PLEKHG1: variants seen among roughly 807,000 people sequenced by gnomAD.
The protein encoded by PLEKHG1 is pleckstrin homology domain-containing family G member 1.
Under a neutral mutation model 100.8 loss-of-function variants are expected in PLEKHG1, and 44 were observed. The observed-to-expected ratio is 0.44, with a 90% confidence interval of 0.34 to 0.56. The LOEUF is 0.56. PLEKHG1 is among the 20% of genes least tolerant of loss of function. The pLI is 0.01. For missense variants in PLEKHG1, 1,545 were observed against 1,720.9 expected (o/e 0.90, Z 1.81); for synonymous variants, 640 against 662.5 (o/e 0.97, Z 0.52).
intron 2 of PLEKHG1, among the ~76,000 whole-genome samples, chr6:150,641,837 A>G (rs1186416117): frequency 6.9e-6 from 1 of 145,426 alleles, no homozygotes; most frequent in African/African-American, 2.5e-5. Context: ...TAAAAAACCA[A>G]TATGTCAAAG....
At chr6:150,730,891 A>G (rs983078070) in intron 1 of PLEKHG1, among the ~76,000 whole-genome samples, 1 of 148,562 alleles carries the variant, frequency 6.7e-6, no homozygotes, top group African/African-American at 2.6e-5. Context: ...GACAAGAGCA[A>G]ACTCTGTCTC....
At chr6:150,798,771 C>T (rs770252737) in intron 5 of PLEKHG1, among the ~76,000 whole-genome samples, 3 of 152,274 alleles carry the variant, frequency 2.0e-5, no homozygotes, top group South Asian at 2.1e-4. Context: ...GTTAGAGTCT[C>T]GCTCTGTTGC....
rs145696326 is a variant in PLEKHG1, at chr6:150,629,694, C to T, written c.-203-8386C>T. Among the ~76,000 whole-genome samples, 397 of 152,284 alleles carry T rather than the reference C, an allele frequency of 2.6e-3. 1 individual carries two copies. The highest frequency in any genetic ancestry group is 9.2e-3 in the African/African-American group (383 of 41,560). ...CAGGATGGTCTCGATCTCCTGACCTCATGATCCGCCTGCCTCGGTCTCCCA... is the reference window on the plus strand; with the variant it reads ...CAGGATGGTCTCGATCTCCTGACCTTATGATCCGCCTGCCTCGGTCTCCCA... On this transcript the variant is annotated intron_variant, in intron 1 of 3. Coordinates refer to the PLEKHG1 transcript ENST00000367326.
intron 1 of PLEKHG1, chr6:150,632,982 C>T (rs1313008987): frequency 6.6e-6 from 1 of 152,186 alleles, no homozygotes; most frequent in Non-Finnish European, 1.5e-5. Flanking sequence ...GCTTTTAAAA[C>T]TGTTCTGTGA....
At chr6:150,649,409 T>C (rs1778625710) in intron 2 of PLEKHG1, among the ~76,000 whole-genome samples, 1 of 152,250 alleles carries the variant, frequency 6.6e-6, no homozygotes, top group South Asian at 2.1e-4. Context: ...ACCAGTGCTA[T>C]TGTGTATCTA....
chr6:150,764,321 G>T (rs1008548556), intron 2 of PLEKHG1, among the ~76,000 whole-genome samples: 1 of 152,028 alleles, frequency 6.6e-6, no homozygotes, highest in Non-Finnish European at 1.5e-5. Flanking sequence ...GTTTCACCAC[G>T]TTGCCCAGGC....
intron 3 of PLEKHG1, among the ~76,000 whole-genome samples, chr6:150,771,281 G>C (rs1784701877): frequency 6.6e-6 from 1 of 151,986 alleles, no homozygotes; most frequent in Non-Finnish European, 1.5e-5. Context: ...GCTGGGTGTT[G>C]TGGCACATGC....
chr6:150,739,198 A>G (rs1281657766), intron 2 of PLEKHG1, among the ~76,000 whole-genome samples: 1 of 152,214 alleles, frequency 6.6e-6, no homozygotes, highest in African/African-American at 2.4e-5. Flanking sequence ...ACAGAATGGC[A>G]TCGTTGAGCT....
At chr6:150,761,652 T>A (rs937201748) in intron 2 of PLEKHG1, among the ~76,000 whole-genome samples, 3 of 152,206 alleles carry the variant, frequency 2.0e-5, no homozygotes, top group East Asian at 1.9e-4. Context: ...GGCGTCCTGT[T>A]GCTTTAAGAA....
At chr6:150,798,476 G>A (rs1339753778) in intron 5 of PLEKHG1, among the ~76,000 whole-genome samples, 1 of 152,186 alleles carries the variant, frequency 6.6e-6, no homozygotes, top group African/African-American at 2.4e-5. Flanking sequence ...GGCTGCTTCA[G>A]AGCCAGGGGA....
intron 4 of PLEKHG1, among the ~76,000 whole-genome samples, chr6:150,789,918 C>T (rs1258303360): frequency 2.0e-5 from 3 of 152,124 alleles, no homozygotes; most frequent in Non-Finnish European, 4.4e-5. Context: ...CTATAGCAGT[C>T]GAGGTGTTTG....
chr6:150,712,863 C>T (rs1335077234), intron 3 of PLEKHG1, among the ~76,000 whole-genome samples: 1 of 152,228 alleles, frequency 6.6e-6, no homozygotes, highest in African/African-American at 2.4e-5. Flanking sequence ...TTACTGTCAA[C>T]ATAAAGTTGC....
At chr6:150,647,774 C>T (rs981739918) in intron 2 of PLEKHG1, among the ~76,000 whole-genome samples, 2 of 152,026 alleles carry the variant, frequency 1.3e-5, no homozygotes, top group African/African-American at 4.8e-5. Context: ...GTACTTAAGG[C>T]CAGACAATCA....
At chr6:150,711,801 G>A (rs1350098029) in intron 3 of PLEKHG1, among the ~76,000 whole-genome samples, 1 of 152,138 alleles carries the variant, frequency 6.6e-6, no homozygotes, top group East Asian at 1.9e-4. Context: ...TATATCAGCA[G>A]ATATCAAATT....
chr6:150,831,524 G>A lies in PLEKHG1; in HGVS notation c.2413G>A (p.Asp805Asn), dbSNP rs763432870. 1.4e-5 allele frequency: 22 copies of A among 1,613,962 alleles called. No individual in the cohort carries two copies. Among genetic ancestry groups the A allele is most frequent in the Non-Finnish European group, 1.7e-5 (20 of 1,179,988 alleles). ...AGCCCCTTACCATCAGGCCACTCCC[G>A]ATCATGGTTATCTGAGTTTGCTGTA... Residue 805 changes from aspartate to asparagine, a missense_variant, in exon 15 of 16, where the codon GAT (aspartate) becomes AAT (asparagine). By Grantham distance (23) the Asp-to-Asn change is conservative. Coordinates refer to ENST00000358517, the Ensembl canonical transcript of PLEKHG1. The surrounding 1 kb of genome is among the most constrained non-coding windows in gnomAD (Gnocchi z 4.1).
chr6:150,613,957 G>C (rs998175479), intron 1 of PLEKHG1, among the ~76,000 whole-genome samples: 15 of 152,178 alleles, frequency 9.9e-5, no homozygotes, highest in Admixed American at 7.9e-4. Flanking sequence ...AAGTTAGTCA[G>C]ATTTCCCTGT....
At chr6:150,795,791 G>T in intron 4 of PLEKHG1, 65 bp from the exon 6 acceptor site, 1 of 904,492 alleles carries the variant, frequency 1.1e-6, no homozygotes. Context: ...TCTTTTTATT[G>T]TTTTCAAATG....
At position 150,663,143 on chromosome 6, in the gene PLEKHG1, A is replaced by C. The variant is rs371134345; in HGVS notation, c.-99+12357A>C. On this transcript the variant is annotated intron_variant, in intron 3 of 3. Transcript: ENST00000367326. Reference sequence around the variant, plus strand: ...GATAGCCAAGAAAGCTTTTTCTTCTAATTATTTCCAGTTATTGTAGGTTCA... The same window carrying C: ...GATAGCCAAGAAAGCTTTTTCTTCTCATTATTTCCAGTTATTGTAGGTTCA... The C allele has an allele frequency of 2.6e-5, 4 of 152,288 alleles. No homozygotes were observed. The South Asian group carries it at 8.3e-4, about 32-fold the overall frequency. 9.4% of individuals were successfully genotyped at this position (152,288 alleles called of 1,614,324 possible). A position where few individuals can be genotyped will look rare whatever the true frequency, so the allele number is the denominator to read the frequency against.
rs374712444 is a variant in PLEKHG1 at position 150,814,590 on chromosome 6, G to C, written c.1279-3593G>C. ...GAAAAAATAAAAACAGAGGCTGAGA[G>C]ACATTAAATAAACTGCCCAAGTTTA... On this transcript the variant is annotated intron_variant, in intron 10 of 15. Coordinates refer to ENST00000358517, the Ensembl canonical transcript of PLEKHG1. Among the ~76,000 whole-genome samples, 90 of 152,258 alleles carry C rather than the reference G, an allele frequency of 5.9e-4. 4 individuals are homozygous for C. The South Asian group carries it at 0.017, about 29-fold the overall frequency.
Sources: allele counts gnomAD v4.1 joint callset (sites outside exome capture counted in the v4.1 genomes callset), GRCh38; gene constraint gnomAD v4.1.1; non-coding constraint Gnocchi (gnomAD v3.1); transcripts MANE v1.5; gene names NCBI Gene and HGNC (gene_info 2026-07-23, HGNC 2026-07-21).